LAMA2: variants seen among roughly 807,000 people sequenced by gnomAD.
LAMA2 encodes the protein laminin subunit alpha 2.
A neutral mutation model predicts 364.8 loss-of-function variants in LAMA2; 269 were observed. That is an observed-to-expected ratio of 0.74 (90% confidence interval 0.67 to 0.82). The LOEUF (loss-of-function observed/expected upper bound fraction) is 0.82. Among genes scored for constraint, LAMA2 ranks in the 40% least tolerant of loss-of-function variants. LAMA2 has a pLI of 0.00. For synonymous variants in LAMA2, 1,379 were observed against 1,370.6 expected (o/e 1.01, Z -0.14); for missense variants, 3,807 against 3,873.2 (o/e 0.98, Z 0.45).
At chr6:129,281,175 A>G (rs1241455420) in intron 18 of LAMA2, among the ~76,000 whole-genome samples, 1 of 152,126 alleles carries the variant, frequency 6.6e-6, no homozygotes, top group Non-Finnish European at 1.5e-5. Flanking sequence ...AACAAGCAGC[A>G]TTTATTTGCA....
At chr6:129,239,108 T>G (rs1385139151) in intron 12 of LAMA2, among the ~76,000 whole-genome samples, 1 of 152,194 alleles carries the variant, frequency 6.6e-6, no homozygotes, top group Non-Finnish European at 1.5e-5. Flanking sequence ...ATTTACAAAA[T>G]GTCAAATACT....
chr6:129,450,527 T>G (rs752092558), intron 45 of LAMA2, among the ~76,000 whole-genome samples: 6 of 152,088 alleles, frequency 3.9e-5, no homozygotes, highest in Non-Finnish European at 8.8e-5. Flanking sequence ...TTCACCATGT[T>G]GGCCAGGATG....
chr6:128,925,228 G>A (rs1779010950), intron 1 of LAMA2, among the ~76,000 whole-genome samples: 1 of 152,150 alleles, frequency 6.6e-6, no homozygotes, highest in African/African-American at 2.4e-5. Context: ...TGTCATAGTA[G>A]CATTATTTAC....
intron 34 of LAMA2, among the ~76,000 whole-genome samples, chr6:129,377,664 G>A: frequency 6.6e-6 from 1 of 152,228 alleles, no homozygotes. Flanking sequence ...AATTTTAGCA[G>A]GAAACCATAT....
intron 1 of LAMA2, among the ~76,000 whole-genome samples, chr6:128,911,112 G>C (rs1650756357): frequency 6.6e-6 from 1 of 152,176 alleles, no homozygotes; most frequent in Non-Finnish European, 1.5e-5. Context: ...CCTGCCCCCA[G>C]AGGTGGAGCC....
At chr6:129,093,807 G>A (rs1010885453) in intron 3 of LAMA2, among the ~76,000 whole-genome samples, 6 of 152,138 alleles carry the variant, frequency 3.9e-5, no homozygotes, top group Non-Finnish European at 5.9e-5. Flanking sequence ...AGTTATTTGG[G>A]ATTTTTTTAA....
chr6:129,157,406 G>C lies in LAMA2; in HGVS notation c.1206+2723G>C. ...TTTAATATTAGCAGCCTGTGAACAC[G>C]TAGTGAAGAAAGAGTCTGAGAACCA... On this transcript the variant is annotated intron_variant, in intron 8 of 64. Coordinates refer to ENST00000421865, the MANE Select transcript of LAMA2 (RefSeq NM_000426.4). 15 of 1,238,242 alleles carry C rather than the reference G, an allele frequency of 1.2e-5. 1 individual carries two copies. In the South Asian group the frequency reaches 1.9e-4, roughly 16 times the overall value. 76.7% of individuals were successfully genotyped at this position (1,238,242 alleles called of 1,614,324 possible). A position where few individuals can be genotyped will look rare whatever the true frequency, so the allele number is the denominator to read the frequency against.
At chr6:129,215,506 T>G (rs895243842) in intron 12 of LAMA2, among the ~76,000 whole-genome samples, 1 of 152,188 alleles carries the variant, frequency 6.6e-6, no homozygotes, top group Non-Finnish European at 1.5e-5. Context: ...TGCAGAGAGA[T>G]ATATATTTCT....
chr6:129,086,991 C>T (rs890241796), intron 3 of LAMA2, among the ~76,000 whole-genome samples: 1 of 152,144 alleles, frequency 6.6e-6, no homozygotes, highest in Admixed American at 6.5e-5. Context: ...TTCGTTGTAC[C>T]ACCCTAACCT....
rs1562443403 is a variant in LAMA2, at chr6:129,309,901, C to CTTTTTTTTTTTTTT, written c.3175-2960_3175-2959insTTTTTTTTTTTTTT. On this transcript the variant is annotated intron_variant, in intron 22 of 64. Transcript: ENST00000421865. ...AAGAAATAAAGCTAATCCTGATAAT[C>CTTTTTTTTTTTTTT]ATTTTTTTTTTTTTTTGAGACGGAG... is the stretch of plus-strand genomic sequence containing the variant. 3.0e-5 allele frequency among the ~76,000 whole-genome samples: 4 copies of CTTTTTTTTTTTTTT among 133,754 alleles called. No homozygotes were observed. In the East Asian group the frequency reaches 1.1e-3, roughly 37 times the overall value. 87.7% of individuals were successfully genotyped at this position (133,754 alleles called of 152,430 possible).
chr6:129,147,467 C>T (rs940301275), intron 6 of LAMA2, among the ~76,000 whole-genome samples: 9 of 150,560 alleles, frequency 6.0e-5, no homozygotes, highest in African/African-American at 2.2e-4. Context: ...GACAATGGAA[C>T]AGGAGGATAA....
chr6:128,897,618 C>T lies in LAMA2; in HGVS notation c.112+14261C>T, dbSNP rs563623694. ...AATTGGCTCAGGGTATCCCCAAAAC[C>T]GCAGTTGGAACTGAAGTGCTACAAA... On this transcript the variant is annotated intron_variant, in intron 1 of 64. Transcript: ENST00000421865. 1.1e-4 allele frequency among the ~76,000 whole-genome samples: 17 copies of T among 152,308 alleles called. No individual in the cohort carries two copies. The South Asian group carries it at 2.7e-3, about 24-fold the overall frequency.
At chr6:129,288,110 A>C (rs929188869) in intron 19 of LAMA2, 52 bp downstream of exon 19, 1 of 1,480,322 alleles carries the variant, frequency 6.8e-7, no homozygotes, top group African/African-American at 1.4e-5. Flanking sequence ...TTGTACCTCA[A>C]AGTAGCTGAT....
At position 129,284,881 on chromosome 6, in the gene LAMA2, A is replaced by G. The variant is rs73585553; in HGVS notation, c.2538-2966A>G. Among the ~76,000 whole-genome samples the G allele has an allele frequency of 4.8e-3, 735 of 152,212 alleles. 9 individuals carry two copies. Among genetic ancestry groups the G allele is most frequent in the African/African-American group, 0.016 (678 of 41,540 alleles). On this transcript the variant is annotated intron_variant, in intron 18 of 64. Coordinates refer to ENST00000421865, the MANE Select transcript of LAMA2 (RefSeq NM_000426.4). ...CATTTAAACGGCCCTTTTTCAAAAT[A>G]TTGCAATTTGATTTGAAAAAGTTAA...
rs2114451240 is a variant in LAMA2 at position 129,297,780 on chromosome 6, A to G, written c.2952A>G (p.Gln984=). The G allele has an allele frequency of 6.2e-7, 1 of 1,614,112 alleles. No individual in the cohort carries two copies. The highest frequency in any genetic ancestry group is 8.5e-7 in the Non-Finnish European group (1 of 1,179,992). The change falls in exon 21 of 65, where the codon CAA becomes CAG. Residue 984 remains glutamine, a synonymous_variant. Transcript: ENST00000421865. ...CATTCGACTGTGAAGAGAGTGGACA[A>G]TGTTGGTGCCAACCTGGAGTCACAG... ...SKSFDCEESG[Q]CWCQPGVTGK...
intron 4 of LAMA2, among the ~76,000 whole-genome samples, chr6:129,103,558 T>C (rs1775645332): frequency 6.6e-6 from 1 of 152,160 alleles, no homozygotes; most frequent in African/African-American, 2.4e-5. Flanking sequence ...TCTGTGACAG[T>C]TTTAAGAGAT....
intron 4 of LAMA2, among the ~76,000 whole-genome samples, chr6:129,118,320 G>A (rs979396917): frequency 7.2e-5 from 11 of 152,238 alleles, no homozygotes; most frequent in Middle Eastern, 3.4e-3. Flanking sequence ...TCTATCACTC[G>A]TAGTCTCTGT....
chr6:129,223,087 T>G (rs910152381), intron 12 of LAMA2, among the ~76,000 whole-genome samples: 1 of 152,270 alleles, frequency 6.6e-6, no homozygotes, highest in African/African-American at 2.4e-5. Context: ...ATTTCTCTGA[T>G]GGCCAGTGAT....
rs1294158623 is a variant in LAMA2, at chr6:129,492,076, G to A, written c.8074G>A (p.Val2692Ile). The part of the protein sequence containing the change: ...GCIWNLVINS[V>I]PMDFARPVSF... ...CATATGGAATCTTGTTATTAACTCT[G>A]TGTAAGTGGATCTCCTCATTACTAC... Residue 2692 changes from valine to isoleucine, a missense_variant and splice_region_variant, in exon 57 of 65, where the codon GTC becomes ATC. This residue lies in a region of LAMA2 where 3,333 missense variants were observed against 3,345.7 expected (regional missense o/e 1.00). Coordinates refer to ENST00000421865, the MANE Select transcript of LAMA2 (RefSeq NM_000426.4). The A allele has an allele frequency of 6.2e-7, 1 of 1,612,594 alleles. No individual in the cohort carries two copies. The highest frequency in any genetic ancestry group is 8.5e-7 in the Non-Finnish European group (1 of 1,178,682).
Sources: allele counts gnomAD v4.1 joint callset (sites outside exome capture counted in the v4.1 genomes callset), GRCh38; gene constraint gnomAD v4.1.1; regional missense constraint gnomAD v4.1.1; transcripts MANE v1.5; gene names NCBI Gene and HGNC (gene_info 2026-07-23, HGNC 2026-07-21).